The following PLPPR5 variants were observed in gnomAD, a reference collection of about 807,000 sequenced individuals.
PLPPR5 encodes phospholipid phosphatase related 5, also known as phospholipid phosphatase-related protein type 5.
PLPPR5 carries 16 observed loss-of-function variants against 33.9 expected under a neutral mutation model. The ratio of observed to expected loss-of-function variants is 0.47; its 90% CI spans 0.32 to 0.72. The LOEUF (loss-of-function observed/expected upper bound fraction) is 0.72, where lower values mean the gene tolerates loss of function less well. Among genes scored for constraint, PLPPR5 ranks in the 30% least tolerant of loss-of-function variants. PLPPR5 has a pLI of 0.03. For missense variants in PLPPR5, 301 were observed against 406.7 expected (o/e 0.74, Z 2.23); for synonymous variants, 163 against 150.3 (o/e 1.08, Z -0.62).
At chr1:98,963,693 C>G (rs967791399) in intron 1 of PLPPR5, among the ~76,000 whole-genome samples, 1 of 152,194 alleles carries the variant, frequency 6.6e-6, no homozygotes, top group Non-Finnish European at 1.5e-5. Context: ...TGCCCACTTA[C>G]AGGTCACACC....
chr1:98,941,941 A>C (rs1650383104), intron 3 of PLPPR5, among the ~76,000 whole-genome samples: 2 of 151,474 alleles, frequency 1.3e-5, no homozygotes, highest in South Asian at 4.2e-4. Context: ...ATGCATCCTC[A>C]ATTTAGAAGG....
chr1:98,955,237 C>A (rs1650960313), intron 2 of PLPPR5, among the ~76,000 whole-genome samples: 2 of 152,050 alleles, frequency 1.3e-5, no homozygotes, highest in Non-Finnish European at 2.9e-5. Flanking sequence ...TTTATAAAAT[C>A]ATATAAGAAG....
At chr1:98,903,870 TCTGTCCA>T in intron 5 of PLPPR5, among the ~76,000 whole-genome samples, 1 of 152,290 alleles carries the variant, frequency 6.6e-6, no homozygotes, top group East Asian at 1.9e-4. Flanking sequence ...ATCCAAGCTC[TCTGTCCA>T]CCCATCACTC....
intron 3 of PLPPR5, among the ~76,000 whole-genome samples, chr1:98,923,181 A>G (rs908509254): frequency 6.6e-6 from 1 of 152,186 alleles, no homozygotes; most frequent in South Asian, 2.1e-4. Flanking sequence ...TCCTTCCCCC[A>G]TCTAATGTAT....
chr1:98,964,104 A>C (rs1414423222), intron 1 of PLPPR5, among the ~76,000 whole-genome samples: 3 of 152,184 alleles, frequency 2.0e-5, no homozygotes, highest in Admixed American at 2.0e-4. Context: ...CAACGAGCAT[A>C]ACTGGTTTGC....
intron 2 of PLPPR5, among the ~76,000 whole-genome samples, chr1:98,955,642 C>T (rs1650977214): frequency 6.6e-6 from 1 of 152,004 alleles, no homozygotes; most frequent in South Asian, 2.1e-4. Flanking sequence ...TAACATTTGG[C>T]TAGTCTTTAA....
At chr1:98,921,487 C>T (rs1367247176) in intron 4 of PLPPR5, among the ~76,000 whole-genome samples, 1 of 152,088 alleles carries the variant, frequency 6.6e-6, no homozygotes, top group Non-Finnish European at 1.5e-5. Context: ...AATATCCAAA[C>T]CAGTCCTGAA....
Position 98,998,318 on chromosome 1 carries a change from C to G in PLPPR5, c.237+6117G>C, listed in dbSNP as rs866092483. 1.1e-4 allele frequency among the ~76,000 whole-genome samples: 17 copies of G among 152,200 alleles called. 1 individual carries two copies. In the Middle Eastern group the frequency reaches 0.044, roughly 396 times the overall value. ...TATACCACGGTTTGCAGATCTAGAACCAGAGGGTGGTTCCACATAAAGGTG... is the reference window on the plus strand; with the variant it reads ...TATACCACGGTTTGCAGATCTAGAAGCAGAGGGTGGTTCCACATAAAGGTG... On this transcript the variant is annotated intron_variant, in intron 1 of 5. Coordinates refer to ENST00000263177, the MANE Select transcript of PLPPR5 (RefSeq NM_001037317.2).
chr1:98,976,601 T>G (rs1022265056), intron 1 of PLPPR5, among the ~76,000 whole-genome samples: 1 of 152,046 alleles, frequency 6.6e-6, no homozygotes, highest in African/African-American at 2.4e-5. Flanking sequence ...CCTTGAACAC[T>G]TGGTGACTGA....
chr1:98,963,764 A>C (rs1557685676), intron 1 of PLPPR5, among the ~76,000 whole-genome samples: 1 of 152,184 alleles, frequency 6.6e-6, no homozygotes, highest in Non-Finnish European at 1.5e-5. Context: ...ATAGGGCACA[A>C]AGCACCTCAT....
intron 3 of PLPPR5, among the ~76,000 whole-genome samples, chr1:98,926,816 T>A (rs1023169035): frequency 2.0e-5 from 3 of 152,344 alleles, no homozygotes; most frequent in Non-Finnish European, 2.9e-5. Context: ...GTTTACAAAC[T>A]GCTACTGACA....
intron 1 of PLPPR5, among the ~76,000 whole-genome samples, chr1:98,996,458 T>A (rs1652636166): frequency 6.6e-6 from 1 of 152,100 alleles, no homozygotes; most frequent in African/African-American, 2.4e-5. Flanking sequence ...AAACTACATC[T>A]GTCATAATAA....
intron 1 of PLPPR5, among the ~76,000 whole-genome samples, chr1:98,990,034 G>GA (rs1222503336): frequency 2.0e-5 from 3 of 152,038 alleles, no homozygotes; most frequent in East Asian, 1.9e-4. Context: ...ATTAATTTCA[G>GA]AAAAAAATTG....
At chr1:98,909,003 T>C (rs1464432671) in intron 5 of PLPPR5, among the ~76,000 whole-genome samples, 1 of 151,446 alleles carries the variant, frequency 6.6e-6, no homozygotes, top group African/African-American at 2.4e-5. Context: ...TAAAAGATAA[T>C]GATTTTCAGT....
At chr1:98,899,581 TTA>T (rs1648608977) in intron 5 of PLPPR5, among the ~76,000 whole-genome samples, 1 of 152,118 alleles carries the variant, frequency 6.6e-6, no homozygotes, top group South Asian at 2.1e-4. Context: ...TAACTGCACA[TTA>T]TATGTCATGC....
At chr1:98,982,232 A>G (rs1652084239) in intron 1 of PLPPR5, among the ~76,000 whole-genome samples, 1 of 152,046 alleles carries the variant, frequency 6.6e-6, no homozygotes, top group South Asian at 2.1e-4. Flanking sequence ...TCAGATGTAA[A>G]TTTTACTGGC....
At chr1:98,939,965 T>G (rs1443379499) in intron 3 of PLPPR5, among the ~76,000 whole-genome samples, 1 of 151,674 alleles carries the variant, frequency 6.6e-6, no homozygotes, top group Non-Finnish European at 1.5e-5. Flanking sequence ...TGACGGGTGA[T>G]TATGGAGGTT....
intron 3 of PLPPR5, among the ~76,000 whole-genome samples, chr1:98,935,314 C>A (rs1466798531): frequency 6.6e-6 from 1 of 152,078 alleles, no homozygotes; most frequent in African/African-American, 2.4e-5. Flanking sequence ...TAATTTCAAC[C>A]AGCAAGAGTA....
At chr1:98,933,614 A>G (rs948729707) in intron 3 of PLPPR5, among the ~76,000 whole-genome samples, 1 of 152,224 alleles carries the variant, frequency 6.6e-6, no homozygotes, top group Non-Finnish European at 1.5e-5. Flanking sequence ...TTGCATAACC[A>G]AAGCTGGTGC....
Sources: allele counts gnomAD v4.1 joint callset (sites outside exome capture counted in the v4.1 genomes callset), GRCh38; gene constraint gnomAD v4.1.1; transcripts MANE v1.5; gene names NCBI Gene and HGNC (gene_info 2026-07-23, HGNC 2026-07-21).